Variants in ZDHHC17 observed in about 807,000 individuals in gnomAD.
The protein encoded by ZDHHC17 is zDHHC palmitoyltransferase 17.
In ZDHHC17, 40 loss-of-function variants were observed where a neutral mutation model predicts 90.3. That is an observed-to-expected ratio of 0.44 (90% CI 0.34 to 0.58). The LOEUF is 0.58. Ranked by LOEUF, ZDHHC17 falls within the 20% of genes least tolerant of loss-of-function variation. The pLI is 0.01. For missense variants in ZDHHC17, 614 were observed against 780.8 expected (o/e 0.79, Z 2.55); for synonymous variants, 235 against 252.4 (o/e 0.93, Z 0.65).
At chr12:76,764,504 A>C in intron 1 of ZDHHC17, 175 bp downstream of exon 1, 1 of 635,448 alleles carries the variant, frequency 1.6e-6, no homozygotes, top group South Asian at 2.0e-5. Context: ...GGGGGAGGAG[A>C]TAGCGGGGCG....
At chr12:76,807,027 G>A (rs2137758677) in intron 3 of ZDHHC17, among the ~76,000 whole-genome samples, 1 of 152,316 alleles carries the variant, frequency 6.6e-6, no homozygotes, top group Middle Eastern at 3.4e-3. Flanking sequence ...AATGCAGAAT[G>A]GTTGTGTGTT....
chr12:76,776,575 A>T lies in ZDHHC17; in HGVS notation c.93+12246A>T, dbSNP rs530553662. ...AATTTGGACATAGCTGTATTTTAGC[A>T]CATAACGATCTTCCCTATTCTTTGT... On this transcript the variant is annotated intron_variant, in intron 1 of 16. Transcript: ENST00000426126. Among the ~76,000 whole-genome samples, 147 of 152,316 alleles carry T rather than the reference A, an allele frequency of 9.7e-4. 3 individuals are homozygous for T. The South Asian group carries it at 0.029, about 30-fold the overall frequency.
At chr12:76,840,704 C>T (rs1286685129) in intron 10 of ZDHHC17, among the ~76,000 whole-genome samples, 1 of 152,080 alleles carries the variant, frequency 6.6e-6, no homozygotes, top group Non-Finnish European at 1.5e-5. Context: ...TTCAGTCTAC[C>T]ATTTGAAGAT....
intron 1 of ZDHHC17, among the ~76,000 whole-genome samples, chr12:76,787,625 T>G (rs1952704765): frequency 6.7e-6 from 1 of 149,360 alleles, no homozygotes. Flanking sequence ...TCCCTCTCTC[T>G]CTCTCTCTCT....
intron 1 of ZDHHC17, among the ~76,000 whole-genome samples, chr12:76,773,979 TG>T (rs544843109): frequency 6.1e-4 from 93 of 152,302 alleles, no homozygotes; most frequent in African/African-American, 2.2e-3. Flanking sequence ...CTGAGTGCGG[TG>T]GCTTGTGCCT....
At chr12:76,769,764 T>A (rs1398540697) in intron 1 of ZDHHC17, among the ~76,000 whole-genome samples, 3 of 152,188 alleles carry the variant, frequency 2.0e-5, no homozygotes, top group Non-Finnish European at 4.4e-5. Flanking sequence ...TAGTAATCAC[T>A]GAGTCAATAG....
chr12:76,814,900 G>T (rs1252188698), intron 5 of ZDHHC17, among the ~76,000 whole-genome samples: 1 of 151,922 alleles, frequency 6.6e-6, no homozygotes, highest in Non-Finnish European at 1.5e-5. Flanking sequence ...TTTTAAATGT[G>T]AAACATTGAA....
chr12:76,778,036 G>A (rs906060468), intron 1 of ZDHHC17, among the ~76,000 whole-genome samples: 35 of 152,136 alleles, frequency 2.3e-4, no homozygotes, highest in Non-Finnish European at 1.6e-4. Context: ...TCCTGTGGTG[G>A]TTGTGGATTG....
chr12:76,799,145 C>A (rs558831799), intron 2 of ZDHHC17, among the ~76,000 whole-genome samples: 1 of 151,984 alleles, frequency 6.6e-6, no homozygotes, highest in Non-Finnish European at 1.5e-5. Flanking sequence ...TCAAAAAAAA[C>A]AAGCAAAAAA....
chr12:76,843,600 A>G (rs750421938), intron 12 of ZDHHC17, among the ~76,000 whole-genome samples: 3 of 152,132 alleles, frequency 2.0e-5, no homozygotes, highest in South Asian at 2.1e-4. Flanking sequence ...TATTATAGAC[A>G]TTAATTTTCT....
rs576746177 is a variant in ZDHHC17 at position 76,852,911 on chromosome 12, T to A, written c.*1926T>A. Reference sequence around the variant, plus strand: ...ATTGGGGGAAATTTTAGATAATTTTTAAATTCAAAGTTATTTATAAAATGC... The same window carrying A: ...ATTGGGGGAAATTTTAGATAATTTTAAAATTCAAAGTTATTTATAAAATGC... On this transcript the variant is annotated 3_prime_UTR_variant, in exon 17 of 17. Coordinates refer to ENST00000426126, the MANE Select transcript of ZDHHC17 (RefSeq NM_015336.4). The A allele has an allele frequency of 4.1e-4, 63 of 152,800 alleles. No individual in the cohort carries two copies. Among genetic ancestry groups the A allele is most frequent in the African/African-American group, 1.4e-3 (60 of 41,596 alleles). 9.5% of individuals were successfully genotyped at this position (152,800 alleles called of 1,614,324 possible).
chr12:76,769,106 T>C (rs560121644), intron 1 of ZDHHC17: 23 of 423,482 alleles, frequency 5.4e-5, no homozygotes, highest in African/African-American at 2.9e-4. Context: ...TTGCCCAGGC[T>C]GAAGTGCAAT....
chr12:76,848,315 G>A lies in ZDHHC17; in HGVS notation c.1590G>A (p.Trp530Ter). Residue 530 changes from tryptophan (W) to a stop codon, truncating the protein, a stop_gained, in exon 15 of 17, where the codon TGG becomes TGA. Coordinates refer to ENST00000426126, the MANE Select transcript of ZDHHC17 (RefSeq NM_015336.4). LOFTEE classifies it high-confidence loss of function. ...YITQIATCSP[W>*]MFWMFLNSVF... ...CTCAGATTGCCACGTGTTCACCTTG[G>A]ATGTTTTGGATGTTCCTGAACAGTG... The A allele has an allele frequency of 6.2e-7, 1 of 1,613,892 alleles. No homozygotes were observed. Among genetic ancestry groups the A allele is most frequent in the Non-Finnish European group, 8.5e-7 (1 of 1,179,858 alleles).
intron 2 of ZDHHC17, among the ~76,000 whole-genome samples, chr12:76,801,392 G>T (rs570954039): frequency 2.0e-5 from 3 of 151,788 alleles, no homozygotes; most frequent in South Asian, 2.1e-4. Flanking sequence ...GGTGGCTCAT[G>T]CCTGTAATCC....
chr12:76,788,100 G>T (rs1420687223), intron 1 of ZDHHC17, among the ~76,000 whole-genome samples: 1 of 152,120 alleles, frequency 6.6e-6, no homozygotes, highest in Non-Finnish European at 1.5e-5. Flanking sequence ...AAAAATGTTA[G>T]TAGTTATGCT....
intron 10 of ZDHHC17, among the ~76,000 whole-genome samples, chr12:76,837,819 CATT>C (rs1953386971): frequency 1.3e-5 from 2 of 151,634 alleles, no homozygotes; most frequent in Admixed American, 6.6e-5. Context: ...TTATTATTAT[CATT>C]ATTATTATTT....
chr12:76,835,108 T>C (rs1953348337), intron 10 of ZDHHC17, among the ~76,000 whole-genome samples: 1 of 151,398 alleles, frequency 6.6e-6, no homozygotes, highest in Admixed American at 6.6e-5. Flanking sequence ...TGGAGTGCAT[T>C]GGCGCAATCT....
intron 10 of ZDHHC17, among the ~76,000 whole-genome samples, chr12:76,838,347 T>C (rs1953394487): frequency 1.3e-5 from 2 of 152,352 alleles, no homozygotes; most frequent in Admixed American, 1.3e-4. Context: ...ATGCCATTTC[T>C]TTTCATCTTT....
intron 1 of ZDHHC17, among the ~76,000 whole-genome samples, chr12:76,779,727 A>G (rs1179729460): frequency 6.6e-6 from 1 of 152,142 alleles, no homozygotes; most frequent in African/African-American, 2.4e-5. Flanking sequence ...TTTTCATGTC[A>G]AGTCTGAGTT....
Sources: allele counts gnomAD v4.1 joint callset (sites outside exome capture counted in the v4.1 genomes callset), GRCh38; gene constraint gnomAD v4.1.1; transcripts MANE v1.5; gene names NCBI Gene and HGNC (gene_info 2026-07-23, HGNC 2026-07-21).